PGM2: variants seen among roughly 807,000 people sequenced by gnomAD.
PGM2 encodes phosphoglucomutase 2, also known as phosphopentomutase.
Under a neutral mutation model 74.6 loss-of-function variants are expected in PGM2, and 57 were observed. That is an observed-to-expected ratio of 0.76 (90% CI 0.62 to 0.95). The LOEUF (loss-of-function observed/expected upper bound fraction) is 0.95. Among genes scored for constraint, PGM2 ranks in the 40% least tolerant of loss-of-function variants. PGM2 has a pLI of 0.00. For synonymous variants in PGM2, 273 were observed against 260.7 expected (o/e 1.05, Z -0.46); for missense variants, 706 against 741.9 (o/e 0.95, Z 0.56).
intron 4 of PGM2, among the ~76,000 whole-genome samples, chr4:37,839,009 T>C (rs1725635437): frequency 6.6e-6 from 1 of 152,162 alleles, no homozygotes; most frequent in African/African-American, 2.4e-5. Context: ...CTTCTCCCAT[T>C]TTGGGAAGTA....
intron 11 of PGM2, among the ~76,000 whole-genome samples, chr4:37,848,917 A>G (rs549696511): frequency 8.5e-5 from 13 of 152,148 alleles, no homozygotes; most frequent in African/African-American, 3.1e-4. Context: ...TAAACATACA[A>G]AAATTAGCTG....
At chr4:37,842,113 GTGTT>G (rs1287394090) in intron 6 of PGM2, among the ~76,000 whole-genome samples, 2 of 150,674 alleles carry the variant, frequency 1.3e-5, no homozygotes, top group Non-Finnish European at 3.0e-5. Context: ...TATTTTCTAT[GTGTT>G]TGTTCACCTT....
chr4:37,837,342 G>T (rs1250628464), intron 3 of PGM2, among the ~76,000 whole-genome samples, 187 bp from the exon 4 acceptor site: 3 of 152,208 alleles, frequency 2.0e-5, no homozygotes, highest in Non-Finnish European at 4.4e-5. Context: ...AGAGTGAAAT[G>T]AGATGACTCC....
chr4:37,837,080 A>G (rs1350286038), intron 3 of PGM2, among the ~76,000 whole-genome samples: 1 of 152,194 alleles, frequency 6.6e-6, no homozygotes. Flanking sequence ...GGTGTTCAGC[A>G]GCACCCCTGA....
intron 1 of PGM2, among the ~76,000 whole-genome samples, chr4:37,827,660 A>G (rs57972990): frequency 0.012 from 1,836 of 152,190 alleles, 43 homozygotes; most frequent in African/African-American, 0.042. Context: ...CACTCTAAAC[A>G]GTCTGTTATT....
At chr4:37,832,018 T>C (rs1725454510) in intron 2 of PGM2, among the ~76,000 whole-genome samples, 1 of 152,202 alleles carries the variant, frequency 6.6e-6, no homozygotes, top group Non-Finnish European at 1.5e-5. Context: ...AATAATGAAA[T>C]GTATTCCCAT....
chr4:37,835,285 C>T (rs1295160767), intron 3 of PGM2, among the ~76,000 whole-genome samples: 1 of 152,142 alleles, frequency 6.6e-6, no homozygotes, highest in African/African-American at 2.4e-5. Context: ...AAGGAGGAGT[C>T]GCAATTTAAG....
Position 37,847,271 on chromosome 4 carries a change from T to A in PGM2, c.1258T>A (p.Leu420Ile), listed in dbSNP as rs765371340. The A allele has an allele frequency of 4.3e-6, 7 of 1,612,850 alleles. No homozygotes were observed. The highest frequency in any genetic ancestry group is 5.9e-6 in the Non-Finnish European group (7 of 1,178,976). ...KQLIDQGKTV[L>I]FAFEEAIGYM... is the part of the protein sequence containing the mutation. Reference sequence around the variant, plus strand: ...GCTAATAGACCAGGGGAAAACTGTTTTATTTGCATTTGAAGAAGCTATTGG... The same window carrying A: ...GCTAATAGACCAGGGGAAAACTGTTATATTTGCATTTGAAGAAGCTATTGG... Residue 420 changes from leucine to isoleucine, a missense_variant, in exon 10 of 14, where the codon TTA becomes ATA. Physicochemically the swap from Leu to Ile is conservative, Grantham distance 5. Transcript: ENST00000381967.
At chr4:37,856,181 T>C (rs10023025) in intron 13 of PGM2, among the ~76,000 whole-genome samples, 99,249 of 151,298 alleles carry the variant, frequency 0.66, 33,380 homozygotes, top group African/African-American at 0.81. Flanking sequence ...GTCAGGAGAT[T>C]GAGACCATCC....
intron 13 of PGM2, among the ~76,000 whole-genome samples, 159 bp downstream of exon 13, chr4:37,855,900 T>C (rs1726180213): frequency 6.6e-6 from 1 of 152,252 alleles, no homozygotes; most frequent in African/African-American, 2.4e-5. Context: ...ACAGTCAGTC[T>C]CAGCATCCAG....
At chr4:37,837,218 T>C (rs1725592511) in intron 3 of PGM2, among the ~76,000 whole-genome samples, 1 of 152,104 alleles carries the variant, frequency 6.6e-6, no homozygotes, top group East Asian at 1.9e-4. Flanking sequence ...ACCACTGAGA[T>C]AGACAGAGAG....
intron 3 of PGM2, among the ~76,000 whole-genome samples, chr4:37,835,369 A>G (rs1367685433): frequency 6.6e-6 from 1 of 152,204 alleles, no homozygotes; most frequent in Non-Finnish European, 1.5e-5. Context: ...TACACATTGC[A>G]TATCACATGA....
Position 37,862,142 on chromosome 4 carries a change from G to C in PGM2, c.*530G>C, listed in dbSNP as rs79475714. On this transcript the variant is annotated 3_prime_UTR_variant, in exon 14 of 14. Coordinates refer to ENST00000381967, the MANE Select transcript of PGM2 (RefSeq NM_018290.4). The stretch of plus-strand genomic sequence containing the variant: ...ATAATTTGCAGAAACCTATGAAGTA[G>C]AGCAAAGATGCTTTAAAAAGATAAG... The C allele has an allele frequency of 0.071, 10,770 of 152,546 alleles. 469 individuals are homozygous for C. The highest frequency in any genetic ancestry group is 0.11 in the South Asian group (541 of 4,868). 9.4% of individuals were successfully genotyped at this position (152,546 alleles called of 1,614,324 possible). A position where few individuals can be genotyped will look rare whatever the true frequency, so the allele number is the denominator to read the frequency against.
intron 7 of PGM2, among the ~76,000 whole-genome samples, chr4:37,844,873 C>T (rs1057297642): frequency 6.6e-6 from 1 of 150,574 alleles, no homozygotes; most frequent in African/African-American, 2.4e-5. Flanking sequence ...GAGGCTGAGG[C>T]GCTAGAATTG....
chr4:37,836,010 G>A (rs768279149), intron 3 of PGM2, among the ~76,000 whole-genome samples: 7 of 152,176 alleles, frequency 4.6e-5, no homozygotes, highest in Non-Finnish European at 7.3e-5. Flanking sequence ...TTCCTCTGCC[G>A]CCCCAGGGCA....
chr4:37,832,808 A>C (rs867604862), intron 2 of PGM2, among the ~76,000 whole-genome samples: 8 of 152,142 alleles, frequency 5.3e-5, no homozygotes, highest in Admixed American at 3.3e-4. Flanking sequence ...TCTTAGTTCT[A>C]CTTTTTGAAG....
chr4:37,828,434 C>T (rs1725354137), intron 1 of PGM2, among the ~76,000 whole-genome samples: 1 of 151,794 alleles, frequency 6.6e-6, no homozygotes, highest in East Asian at 1.9e-4. Context: ...GAAGCCCATT[C>T]ATTCTCCAGT....
At chr4:37,841,227 T>C (rs1050029707) in intron 6 of PGM2, among the ~76,000 whole-genome samples, 2 of 140,386 alleles carry the variant, frequency 1.4e-5, no homozygotes, top group African/African-American at 2.8e-5. Flanking sequence ...TAATTTGTCA[T>C]GGACACCTTC....
At chr4:37,840,718 C>A (rs1725685840) in intron 6 of PGM2, among the ~76,000 whole-genome samples, 1 of 152,078 alleles carries the variant, frequency 6.6e-6, no homozygotes, top group Admixed American at 6.6e-5. Context: ...GTAGATCAAG[C>A]CTTGGCAAAC....
Sources: gnomAD v4.1 joint callset for allele counts (sites outside exome capture counted in the v4.1 genomes callset) on GRCh38, gnomAD v4.1.1 for gene constraint, MANE v1.5 for transcripts, NCBI Gene and HGNC (gene_info 2026-07-23, HGNC 2026-07-21) for gene names.